The following DYNC2H1 variants were observed in gnomAD, a reference collection of about 807,000 sequenced individuals.
DYNC2H1 encodes the protein dynein cytoplasmic 2 heavy chain 1.
A neutral mutation model predicts 570.0 loss-of-function variants in DYNC2H1; 410 were observed. That is an observed-to-expected ratio of 0.72 (90% CI 0.66 to 0.78). The LOEUF is 0.78. DYNC2H1 is among the 30% of genes least tolerant of loss of function. DYNC2H1 has a pLI of 0.00. For missense variants in DYNC2H1, 4,865 were observed against 5,046.4 expected (o/e 0.96, Z 1.09); for synonymous variants, 1,688 against 1,677.6 (o/e 1.01, Z -0.15).
At position 103,323,877 on chromosome 11, in the gene DYNC2H1, TA is replaced by T; in HGVS notation, c.11935-8del. ...TTAAAAAAACTGTTTTTCACTTCTTTATATTTAGGACTATCGTGCTGTCATT... is the reference window on the plus strand; with the variant it reads ...TTAAAAAAACTGTTTTTCACTTCTTTTATTTAGGACTATCGTGCTGTCATT... On this transcript the variant is annotated splice_polypyrimidine_tract_variant and splice_region_variant and intron_variant, in intron 81 of 88. Transcript: ENST00000375735. 4 of 1,603,946 alleles carry T rather than the reference TA, an allele frequency of 2.5e-6. No individual in the cohort carries two copies. The highest frequency in any genetic ancestry group is 3.4e-6 in the Non-Finnish European group (4 of 1,174,744).
chr11:103,299,614 A>T lies in DYNC2H1; in HGVS notation c.11096-3479A>T, dbSNP rs544430460. Among the ~76,000 whole-genome samples the T allele has an allele frequency of 6.6e-6, 1 of 152,086 alleles. No homozygotes were observed. The highest frequency in any genetic ancestry group is 2.1e-4 in the South Asian group (1 of 4,824). ...GCAGATCGATTCCTTTGCATGCTTC[A>T]TATCACTCCTGTTTCTCTTTTCTGC... On this transcript the variant is annotated intron_variant, in intron 75 of 88. Transcript: ENST00000375735. This position sits in a 1 kb window ranked among gnomAD's most constrained non-coding sequence, Gnocchi z 4.5.
intron 17 of DYNC2H1, among the ~76,000 whole-genome samples, chr11:103,139,374 C>G (rs1182502359): frequency 1.3e-5 from 2 of 151,904 alleles, no homozygotes; most frequent in Non-Finnish European, 2.9e-5. Flanking sequence ...TCCCTGTACA[C>G]ACTGCTTTGA....
Position 103,156,502 on chromosome 11 carries a change from C to A in DYNC2H1, c.3859C>A (p.Arg1287=), listed in dbSNP as rs756002632. Residue 1287 remains arginine, a synonymous_variant, in exon 26 of 89, where the codon CGA becomes AGA. Transcript: ENST00000375735. Reference sequence around the variant, plus strand: ...AATTGATTATGAAGACAGCCAAAGTCGAACTATGAAGCTGATTAAAGACTG... The same window carrying A: ...AATTGATTATGAAGACAGCCAAAGTAGAACTATGAAGCTGATTAAAGACTG... ...TLIDYEDSQS[R]TMKLIKDWKD... The A allele has an allele frequency of 5.0e-6, 8 of 1,613,512 alleles. No individual in the cohort carries two copies. The highest frequency in any genetic ancestry group is 6.8e-6 in the Non-Finnish European group (8 of 1,179,718).
intron 83 of DYNC2H1, among the ~76,000 whole-genome samples, chr11:103,388,412 A>ATGAGGT (rs1313185776): frequency 6.6e-6 from 1 of 152,200 alleles, no homozygotes; most frequent in Non-Finnish European, 1.5e-5. Flanking sequence ...GGCTGAGACA[A>ATGAGGT]TGAGGTTTTC....
At chr11:103,424,110 ATGAC>A (rs1256467482) in intron 84 of DYNC2H1, among the ~76,000 whole-genome samples, 1 of 152,096 alleles carries the variant, frequency 6.6e-6, no homozygotes, top group East Asian at 1.9e-4. Context: ...GAAAGGGAGA[ATGAC>A]TGCATGGATC....
chr11:103,178,728 G>A (rs192103932), intron 38 of DYNC2H1, among the ~76,000 whole-genome samples: 26 of 152,090 alleles, frequency 1.7e-4, no homozygotes, highest in Admixed American at 1.1e-3. Flanking sequence ...GCAAGCCTTC[G>A]TACATTCTCA....
chr11:103,359,927 A>G (rs746496021), intron 83 of DYNC2H1, among the ~76,000 whole-genome samples: 1 of 151,934 alleles, frequency 6.6e-6, no homozygotes, highest in Non-Finnish European at 1.5e-5. Context: ...AGCCTCCCAT[A>G]GTGCTGGGAT....
At position 103,245,218 on chromosome 11, in the gene DYNC2H1, A is replaced by T. The variant is rs1864567333; in HGVS notation, c.9919-33A>T. ...TGTTTGTAAATATTAAAGTAATTAA[A>T]TAATTAATACGTATTCTTTTTTATT... On this transcript the variant is annotated intron_variant, in intron 64 of 88. Transcript: ENST00000375735. This position sits in a 1 kb window ranked among gnomAD's most constrained non-coding sequence, Gnocchi z 4.5. The T allele has an allele frequency of 2.1e-6, 3 of 1,426,190 alleles. No individual in the cohort carries two copies. The highest frequency in any genetic ancestry group is 5.0e-5 in the Admixed American group (2 of 39,952). 88.3% of individuals were successfully genotyped at this position (1,426,190 alleles called of 1,614,324 possible). A position where few individuals can be genotyped will look rare whatever the true frequency, so the allele number is the denominator to read the frequency against.
In DYNC2H1 at chr11:103,199,967, C is replaced by A; in HGVS notation, c.8089-79C>A. The A allele has an allele frequency of 1.1e-6, 1 of 898,646 alleles. No individual in the cohort carries two copies. The highest frequency in any genetic ancestry group is 1.8e-6 in the Non-Finnish European group (1 of 567,898). The allele number at this position is 898,646 out of a possible 1,614,324, so 55.7% of individuals were successfully genotyped here. ...AAACACATGATACTGGCATACTTTA[C>A]ATACAAATACAAAATGTTAATTTTT... On this transcript the variant is annotated intron_variant, in intron 49 of 88. Coordinates refer to ENST00000375735, the MANE Select transcript of DYNC2H1 (RefSeq NM_001377.3). The surrounding 1 kb of genome is among the most constrained non-coding windows in gnomAD (Gnocchi z 4.6).
rs989011320 is a variant in DYNC2H1 at position 103,165,799 on chromosome 11, T to C, written c.4612-99T>C. 350 of 915,598 alleles carry C rather than the reference T, an allele frequency of 3.8e-4. 1 individual carries two copies. Among genetic ancestry groups the C allele is most frequent in the Non-Finnish European group, 9.6e-5 (61 of 635,518 alleles). The allele number at this position is 915,598 out of a possible 1,614,324, so 56.7% of individuals were successfully genotyped here. A position where few individuals can be genotyped will look rare whatever the true frequency, so the allele number is the denominator to read the frequency against. ...GACATTAAGATGGAGAGATCCAATA[T>C]ACAATTGGCTATTTGAAAAAAGGTG... On this transcript the variant is annotated intron_variant, in intron 30 of 88. Coordinates refer to ENST00000375735, the MANE Select transcript of DYNC2H1 (RefSeq NM_001377.3).
chr11:103,462,520 A>C lies in DYNC2H1; in HGVS notation c.12649-6069A>C, dbSNP rs576931001. Reference sequence around the variant, plus strand: ...TCATTGCTTGGATAACTACGGTTGCACACTGATTTTTCTAATTTTGTTATT... The same window carrying C: ...TCATTGCTTGGATAACTACGGTTGCCCACTGATTTTTCTAATTTTGTTATT... On this transcript the variant is annotated intron_variant, in intron 87 of 88. Transcript: ENST00000375735. 8.5e-5 allele frequency among the ~76,000 whole-genome samples: 13 copies of C among 152,322 alleles called. No individual in the cohort carries two copies. The South Asian group carries it at 2.7e-3, about 32-fold the overall frequency.
chr11:103,384,602 T>C (rs935987738), intron 83 of DYNC2H1, among the ~76,000 whole-genome samples: 34 of 152,210 alleles, frequency 2.2e-4, no homozygotes, highest in African/African-American at 8.2e-4. Context: ...TAGTTGGTAT[T>C]CTGTATGTTT....
At chr11:103,149,788 G>C (rs1412411653) in intron 20 of DYNC2H1, among the ~76,000 whole-genome samples, 1 of 151,690 alleles carries the variant, frequency 6.6e-6, no homozygotes, top group Non-Finnish European at 1.5e-5. Flanking sequence ...GTGTGTGAGA[G>C]AGAGTGAGCA....
intron 70 of DYNC2H1, among the ~76,000 whole-genome samples, chr11:103,270,192 CAAA>C (rs60584003): frequency 0.021 from 2,601 of 125,300 alleles, 80 homozygotes; most frequent in African/African-American, 0.07. Context: ...GATTCCATCT[CAAA>C]AAAAAAAAAA....
chr11:103,125,211 A>T lies in DYNC2H1; in HGVS notation c.1773A>T (p.Ala591=). ...ILLREVRQLS[A]LGFVIPAKIQ... is the part of the protein sequence containing the mutation. The stretch of plus-strand genomic sequence containing the variant: ...TGAGAGAAGTTCGTCAGCTCTCTGC[A>T]CTTGGCTTTGTTATTCCTGCCAAAA... Residue 591 remains alanine, a synonymous_variant, in exon 12 of 89, where the codon GCA becomes GCT. Coordinates refer to ENST00000375735, the MANE Select transcript of DYNC2H1 (RefSeq NM_001377.3). 6.2e-7 allele frequency: 1 copy of T among 1,613,582 alleles called. No homozygotes were observed. Among genetic ancestry groups the T allele is most frequent in the South Asian group, 1.1e-5 (1 of 91,026 alleles).
intron 34 of DYNC2H1, among the ~76,000 whole-genome samples, chr11:103,172,143 G>A (rs1031635874): frequency 1.3e-5 from 2 of 152,268 alleles, no homozygotes; most frequent in African/African-American, 4.8e-5. Flanking sequence ...TGTTGTTTAT[G>A]TGATGTTTAA....
In DYNC2H1 at chr11:103,371,356, G is replaced by A. The variant is rs540153885; in HGVS notation, c.12156+12997G>A. On this transcript the variant is annotated intron_variant, in intron 83 of 88. Transcript: ENST00000375735. The stretch of plus-strand genomic sequence containing the variant: ...TAAGAGTTATTGGCCTTAAAGAGGA[G>A]GTAGAGAAAGAGATAGAGGTAGAAA... Among the ~76,000 whole-genome samples, 3 of 152,234 alleles carry A rather than the reference G, an allele frequency of 2.0e-5. No individual in the cohort carries two copies. The East Asian group carries it at 5.8e-4, about 29-fold the overall frequency.
Position 103,215,721 on chromosome 11 carries a change from G to T in DYNC2H1, c.8695G>T (p.Ala2899Ser). Reference protein sequence around the residue: ...ELLKRQSHLQAGVSKLNEAKA... With the variant: ...ELLKRQSHLQSGVSKLNEAKA... ...GCCGATCAATATTTTATTGATGTAG[G>T]CTGGTGTATCTAAACTAAATGAAGC... The change falls in exon 55 of 89, where the codon GCT (alanine) becomes TCT (serine). Residue 2899 changes from alanine (A) to serine (S), a missense_variant and splice_region_variant. Ala to Ser is a moderately conservative substitution (Grantham distance 99). Transcript: ENST00000375735. The T allele has an allele frequency of 6.2e-7, 1 of 1,601,022 alleles. No homozygotes were observed. The highest frequency in any genetic ancestry group is 8.5e-7 in the Non-Finnish European group (1 of 1,173,590).
At chr11:103,139,800 A>T (rs1262815822) in intron 17 of DYNC2H1, among the ~76,000 whole-genome samples, 12 of 151,974 alleles carry the variant, frequency 7.9e-5, no homozygotes, top group Non-Finnish European at 1.8e-4. Context: ...GATCTGTCTA[A>T]TGTTGACAGT....
Sources: gnomAD v4.1 joint callset for allele counts (sites outside exome capture counted in the v4.1 genomes callset) on GRCh38, gnomAD v4.1.1 for gene constraint, Gnocchi (gnomAD v3.1) non-coding constraint, MANE v1.5 for transcripts, NCBI Gene and HGNC (gene_info 2026-07-23, HGNC 2026-07-21) for gene names.